Variants in FUT8 observed in about 807,000 individuals in gnomAD.
FUT8 encodes fucosyltransferase 8, also known as alpha-(1,6)-fucosyltransferase.
A neutral mutation model predicts 71.3 loss-of-function variants in FUT8; 29 were observed. The observed-to-expected ratio is 0.41, with a 90% CI of 0.30 to 0.55. The LOEUF is 0.55. Among genes scored for constraint, FUT8 ranks in the 20% least tolerant of loss-of-function variants. The pLI, the probability that FUT8 is intolerant of heterozygous loss-of-function variation, is 0.34. For synonymous variants in FUT8, 254 were observed against 239.3 expected (o/e 1.06, Z -0.57); for missense variants, 544 against 702.1 (o/e 0.77, Z 2.55).
At chr14:65,491,799 A>C (rs1449455965) in intron 2 of FUT8, among the ~76,000 whole-genome samples, 3 of 152,176 alleles carry the variant, frequency 2.0e-5, no homozygotes, top group African/African-American at 7.2e-5. Context: ...AGGAAAAGTG[A>C]AATGTGAAAA....
chr14:65,585,337 C>T (rs1958559), intron 3 of FUT8, among the ~76,000 whole-genome samples: 79,626 of 151,734 alleles, frequency 0.52, 21,519 homozygotes, highest in East Asian at 0.61. Flanking sequence ...AGGCATTGAG[C>T]CACCATGGCT....
intron 7 of FUT8, among the ~76,000 whole-genome samples, chr14:65,674,865 T>C (rs1439616146): frequency 2.6e-5 from 4 of 152,198 alleles, no homozygotes; most frequent in East Asian, 1.9e-4. Flanking sequence ...GCTAGCTGTC[T>C]CCTCTCCAAG....
At chr14:65,565,724 C>T (rs1886159780) in intron 3 of FUT8, among the ~76,000 whole-genome samples, 1 of 151,762 alleles carries the variant, frequency 6.6e-6, no homozygotes, top group South Asian at 2.1e-4. Flanking sequence ...ATAATACTAT[C>T]TCATTGAGGT....
In FUT8 at chr14:65,442,823, TA is replaced by T. The variant is rs34820585; in HGVS notation, c.-325-12782del. ...GTGACAGAGTGAGACCCCATCTCAT[TA>T]AAAAAAAAAAAAAAATTAAGAATAC... On this transcript the variant is annotated intron_variant, in intron 1 of 10. Coordinates refer to ENST00000673929, the MANE Select transcript of FUT8 (RefSeq NM_001371533.1). 2.4e-3 allele frequency among the ~76,000 whole-genome samples: 326 copies of T among 136,558 alleles called. 1 individual carries two copies. Among genetic ancestry groups the T allele is most frequent in the African/African-American group, 3.0e-3 (108 of 36,290 alleles). 89.6% of individuals were successfully genotyped at this position (136,558 alleles called of 152,430 possible).
chr14:65,394,209 T>G, the FUT8 span, among the ~76,000 whole-genome samples: 1 of 152,330 alleles, frequency 6.6e-6, no homozygotes, highest in South Asian at 2.1e-4. Flanking sequence ...TCTGCCCACC[T>G]TGGCCTCCCA....
chr14:65,417,724 A>T lies in FUT8; in HGVS notation c.-326+4510A>T, dbSNP rs571243795. Among the ~76,000 whole-genome samples, 324 of 152,322 alleles carry T rather than the reference A, an allele frequency of 2.1e-3. 1 individual carries two copies. Among genetic ancestry groups the T allele is most frequent in the Non-Finnish European group, 3.8e-3 (256 of 68,026 alleles). Reference sequence around the variant, plus strand: ...AATCTTCTTTTAATTAACAAATTATACCAATATAAGGGTAGTGTTAATGTG... The same window carrying T: ...AATCTTCTTTTAATTAACAAATTATTCCAATATAAGGGTAGTGTTAATGTG... On this transcript the variant is annotated intron_variant, in intron 1 of 10. Transcript: ENST00000673929.
chr14:65,548,742 A>T (rs1885117038), intron 2 of FUT8, among the ~76,000 whole-genome samples: 1 of 152,170 alleles, frequency 6.6e-6, no homozygotes, highest in African/African-American at 2.4e-5. Context: ...TATTTAAAAA[A>T]TTTAAAAATT....
chr14:65,706,756 A>C (rs192579571), intron 7 of FUT8, among the ~76,000 whole-genome samples: 1 of 152,084 alleles, frequency 6.6e-6, no homozygotes, highest in East Asian at 1.9e-4. Context: ...TAATTACCTC[A>C]CAGAGACCTC....
chr14:65,535,080 T>A (rs979030834), intron 2 of FUT8, among the ~76,000 whole-genome samples: 3 of 151,056 alleles, frequency 2.0e-5, no homozygotes, highest in Non-Finnish European at 4.4e-5. Context: ...TGCTATTTTT[T>A]AATTTTATTT....
the FUT8 span, among the ~76,000 whole-genome samples, chr14:65,370,890 G>A: frequency 1.3e-5 from 2 of 152,240 alleles, no homozygotes; most frequent in East Asian, 3.9e-4. Flanking sequence ...TTTGAACAAC[G>A]AACAATATGT....
chr14:65,392,399 A>G, the FUT8 span, among the ~76,000 whole-genome samples: 1 of 152,224 alleles, frequency 6.6e-6, no homozygotes, highest in East Asian at 1.9e-4. Flanking sequence ...GTGCAAGGCC[A>G]CAATTATAAA....
chr14:65,742,500 G>A lies in FUT8; in HGVS notation c.*90G>A. On this transcript the variant is annotated 3_prime_UTR_variant, in exon 11 of 11. Transcript: ENST00000673929. ...CCAAACTGTAGATGAAGAGGGCTCT[G>A]ATCTAACAAAATAAGGTTATATGAG... 9.1e-7 allele frequency: 1 copy of A among 1,100,490 alleles called. No homozygotes were observed. Among genetic ancestry groups the A allele is most frequent in the Non-Finnish European group, 1.3e-6 (1 of 771,562 alleles). The allele number at this position is 1,100,490 out of a possible 1,614,324, so 68.2% of individuals were successfully genotyped here.
chr14:65,602,402 C>CACACACACACCCTAAGTAAT (rs1888347668), intron 3 of FUT8, among the ~76,000 whole-genome samples: 1 of 133,832 alleles, frequency 7.5e-6, no homozygotes, highest in Non-Finnish European at 1.6e-5. Context: ...CACACACACA[C>CACACACACACCCTAAGTAAT]AGTTTCTTTA....
At chr14:65,711,820 A>G (rs1236136327) in intron 7 of FUT8, among the ~76,000 whole-genome samples, 3 of 152,206 alleles carry the variant, frequency 2.0e-5, no homozygotes, top group South Asian at 4.1e-4. Flanking sequence ...GGAGTTTTAT[A>G]TATCAGAGGG....
At chr14:65,377,449 G>A in the FUT8 span, among the ~76,000 whole-genome samples, 4 of 152,272 alleles carry the variant, frequency 2.6e-5, no homozygotes, top group Non-Finnish European at 5.9e-5. Flanking sequence ...GGCATTCTGT[G>A]TTAAATCAAA....
chr14:65,644,101 A>G (rs1890999734), intron 6 of FUT8, among the ~76,000 whole-genome samples: 1 of 152,186 alleles, frequency 6.6e-6, no homozygotes, highest in Non-Finnish European at 1.5e-5. Context: ...TAATAGTGGT[A>G]TGAGTTCCAG....
chr14:65,586,205 G>A (rs914688251), intron 3 of FUT8, among the ~76,000 whole-genome samples: 2 of 152,110 alleles, frequency 1.3e-5, no homozygotes, highest in African/African-American at 4.8e-5. Flanking sequence ...ATTTCTCCAG[G>A]TATCCAGAAA....
intron 10 of FUT8, among the ~76,000 whole-genome samples, chr14:65,734,426 A>G (rs1896122043): frequency 6.6e-6 from 1 of 152,174 alleles, no homozygotes. Context: ...TGCCAGGCAA[A>G]GGTTACAGAT....
chr14:65,529,012 A>G (rs1237794467), intron 2 of FUT8: 12 of 158,172 alleles, frequency 7.6e-5, no homozygotes, highest in African/African-American at 9.7e-5. Context: ...TGTTATCCTA[A>G]TAGTCTCACA....
Sources: gnomAD v4.1 joint callset for allele counts (sites outside exome capture counted in the v4.1 genomes callset) on GRCh38, gnomAD v4.1.1 for gene constraint, MANE v1.5 for transcripts, NCBI Gene and HGNC (gene_info 2026-07-23, HGNC 2026-07-21) for gene names.